Variants in AKAP19 observed in about 807,000 individuals in gnomAD.
AKAP19 encodes the protein small A-kinase anchoring protein.
chr2:190,074,452 A>G, the AKAP19 span, among the ~76,000 whole-genome samples: 3 of 152,102 alleles, frequency 2.0e-5, no homozygotes, highest in Non-Finnish European at 4.4e-5. Context: ...AGAGATCAAG[A>G]CCATCCTGGC....
chr2:190,099,126 T>A, the AKAP19 span, among the ~76,000 whole-genome samples: 15 of 152,202 alleles, frequency 9.9e-5, no homozygotes, highest in African/African-American at 2.7e-4. Flanking sequence ...TGGAGTAGCA[T>A]GTTTAATTTC....
the AKAP19 span, among the ~76,000 whole-genome samples, chr2:190,173,967 C>T: frequency 1.3e-5 from 2 of 152,098 alleles, no homozygotes; most frequent in South Asian, 2.1e-4. Flanking sequence ...CCTGCTCTGT[C>T]CTTAGTCACC....
At chr2:189,969,500 G>GCA in the AKAP19 span, among the ~76,000 whole-genome samples, 3 of 152,060 alleles carry the variant, frequency 2.0e-5, no homozygotes, top group Non-Finnish European at 4.4e-5. Flanking sequence ...GGAGGCTGAG[G>GCA]CGGGTGGATC....
At chr2:189,968,131 GGAAA>G in the AKAP19 span, among the ~76,000 whole-genome samples, 1 of 151,990 alleles carries the variant, frequency 6.6e-6, no homozygotes. Flanking sequence ...AGATAAAAAA[GGAAA>G]GAAAGAAATA....
the AKAP19 span, among the ~76,000 whole-genome samples, chr2:190,119,154 A>C: frequency 6.6e-6 from 1 of 152,230 alleles, no homozygotes; most frequent in Non-Finnish European, 1.5e-5. Flanking sequence ...CTTGGTCTTC[A>C]TGCCAGTTTA....
chr2:190,006,045 T>G, the AKAP19 span, among the ~76,000 whole-genome samples: 1 of 152,202 alleles, frequency 6.6e-6, no homozygotes, highest in Non-Finnish European at 1.5e-5. Context: ...AAGTGAGCAC[T>G]CAAAGTATGA....
the AKAP19 span, among the ~76,000 whole-genome samples, chr2:190,027,579 T>A: frequency 3.3e-5 from 5 of 152,226 alleles, no homozygotes; most frequent in African/African-American, 9.6e-5. Context: ...CTAATATTTC[T>A]GAGTAGTACA....
At chr2:190,202,436 T>C in the AKAP19 span, 2 of 166,496 alleles carry the variant, frequency 1.2e-5, no homozygotes, top group East Asian at 3.9e-4. Flanking sequence ...AATAAACAAA[T>C]GAAAAAAGAT....
the AKAP19 span, chr2:190,199,994 A>AAGAGGAAGTGAAGG: frequency 1.4e-5 from 22 of 1,613,880 alleles, no homozygotes; most frequent in Non-Finnish European, 1.8e-5. Context: ...GTTAATGTCA[A>AAGAGGAAGTGAAGG]AGAGGAAGTG....
chr2:190,032,289 AAAATACTTAG>A, the AKAP19 span, among the ~76,000 whole-genome samples: 5 of 152,196 alleles, frequency 3.3e-5, no homozygotes, highest in Admixed American at 6.5e-5. Flanking sequence ...AATCATGCCA[AAAATACTTAG>A]GATTGGGAGT....
At chr2:189,920,199 TAA>T in the AKAP19 span, among the ~76,000 whole-genome samples, 1 of 152,216 alleles carries the variant, frequency 6.6e-6, no homozygotes, top group East Asian at 1.9e-4. Context: ...ATAAAAAATA[TAA>T]GTGTATTCTT....
chr2:190,013,380 A>G, the AKAP19 span, among the ~76,000 whole-genome samples: 1 of 151,924 alleles, frequency 6.6e-6, no homozygotes, highest in East Asian at 1.9e-4. Flanking sequence ...TGATTATCCA[A>G]TTTATTGCTT....
chr2:190,069,173 T>TGAGA, the AKAP19 span, among the ~76,000 whole-genome samples: 147 of 98,912 alleles, frequency 1.5e-3, no homozygotes, highest in Middle Eastern at 0.018. Context: ...TGTGTGTGTG[T>TGAGA]GTGAGAGAGA....
chr2:189,974,680 C>T, the AKAP19 span, among the ~76,000 whole-genome samples: 8 of 152,180 alleles, frequency 5.3e-5, no homozygotes, highest in South Asian at 2.1e-4. Flanking sequence ...GTATTGGGTG[C>T]ATGCATATTT....
the AKAP19 span, among the ~76,000 whole-genome samples, chr2:190,134,155 C>T: frequency 6.6e-6 from 1 of 151,880 alleles, no homozygotes; most frequent in East Asian, 1.9e-4. Flanking sequence ...TGAGAGTGTA[C>T]AAATGAAACC....
At chr2:190,060,705 A>G in the AKAP19 span, among the ~76,000 whole-genome samples, 1 of 152,022 alleles carries the variant, frequency 6.6e-6, no homozygotes. Flanking sequence ...GGAAGGTTCT[A>G]TGAAGTAATG....
the AKAP19 span, among the ~76,000 whole-genome samples, chr2:190,147,143 T>G: frequency 6.6e-6 from 1 of 152,260 alleles, no homozygotes; most frequent in Non-Finnish European, 1.5e-5. Flanking sequence ...GGTCTTAGTT[T>G]AAGTCCTTAA....
At chr2:190,097,926 A>G in the AKAP19 span, among the ~76,000 whole-genome samples, 11 of 151,930 alleles carry the variant, frequency 7.2e-5, no homozygotes, top group African/African-American at 2.7e-4. Flanking sequence ...AAGCAGCAGT[A>G]AGTCCTCATC....
chr2:189,967,023 AT>A, the AKAP19 span, among the ~76,000 whole-genome samples: 1 of 152,300 alleles, frequency 6.6e-6, no homozygotes, highest in East Asian at 1.9e-4. Context: ...AGAAGTACCG[AT>A]ACATGGCTTC....
Sources: allele counts gnomAD v4.1 joint callset (sites outside exome capture counted in the v4.1 genomes callset), GRCh38; gene constraint gnomAD v4.1.1; transcripts MANE v1.5; gene names NCBI Gene and HGNC (gene_info 2026-07-23, HGNC 2026-07-21).